PLA2G4A: variants seen among roughly 807,000 people sequenced by gnomAD.
PLA2G4A encodes the protein phospholipase A2 group IVA, also known as cytosolic phospholipase A2.
Under a neutral mutation model 81.9 loss-of-function variants are expected in PLA2G4A, and 40 were observed. The ratio of observed to expected loss-of-function variants is 0.49; its 90% CI spans 0.38 to 0.64. The LOEUF (loss-of-function observed/expected upper bound fraction) is 0.64, where lower values mean the gene tolerates loss of function less well. Ranked by LOEUF, PLA2G4A falls within the 30% of genes least tolerant of loss-of-function variation. The pLI is 0.00. For synonymous variants in PLA2G4A, 302 were observed against 296.9 expected, an observed-to-expected ratio of 1.02 and a Z score of -0.18; for missense variants, 715 against 905.1, an observed-to-expected ratio of 0.79 and a Z score of 2.69.
At chr1:186,967,664 T>C (rs1406082292) in intron 15 of PLA2G4A, among the ~76,000 whole-genome samples, 2 of 152,070 alleles carry the variant, frequency 1.3e-5, no homozygotes, top group African/African-American at 4.8e-5. Flanking sequence ...TAAGAATAGA[T>C]TGGTGCATAC....
intron 3 of PLA2G4A, among the ~76,000 whole-genome samples, chr1:186,880,583 C>A (rs1322581491): frequency 1.3e-5 from 2 of 151,612 alleles, no homozygotes; most frequent in Non-Finnish European, 2.9e-5. Context: ...AGTTACCTGG[C>A]CCAAAATGTC....
intron 2 of PLA2G4A, among the ~76,000 whole-genome samples, chr1:186,855,052 T>G (rs1652501612): frequency 6.6e-6 from 1 of 151,966 alleles, no homozygotes; most frequent in South Asian, 2.1e-4. Context: ...AATAAAATGC[T>G]GTTTTCTTAC....
intron 1 of PLA2G4A, among the ~76,000 whole-genome samples, chr1:186,841,581 G>A (rs1012057852): frequency 6.6e-6 from 1 of 152,010 alleles, no homozygotes; most frequent in East Asian, 1.9e-4. Context: ...TTACAAATTT[G>A]TACAATGAAA....
intron 3 of PLA2G4A, among the ~76,000 whole-genome samples, chr1:186,873,720 A>G (rs1653368997): frequency 6.6e-6 from 1 of 152,078 alleles, no homozygotes; most frequent in Non-Finnish European, 1.5e-5. Context: ...CACTGTTAAA[A>G]CCTCAGAATA....
chr1:186,829,389 A>G (rs753692729), intron 1 of PLA2G4A, among the ~76,000 whole-genome samples: 36 of 152,176 alleles, frequency 2.4e-4, no homozygotes, highest in Non-Finnish European at 4.1e-4. Context: ...CTGATCCCCA[A>G]ACTTGAGCAG....
At chr1:186,906,568 C>T (rs537013933) in intron 5 of PLA2G4A, among the ~76,000 whole-genome samples, 2 of 152,300 alleles carry the variant, frequency 1.3e-5, no homozygotes, top group African/African-American at 4.8e-5. Context: ...ACCTCTGGGC[C>T]ATTACAGCTT....
At chr1:186,837,282 A>C (rs1181030437) in intron 1 of PLA2G4A, among the ~76,000 whole-genome samples, 1 of 152,170 alleles carries the variant, frequency 6.6e-6, no homozygotes, top group Non-Finnish European at 1.5e-5. Context: ...ATGCGTGATG[A>C]GGATAGCTGG....
At chr1:186,975,716 G>A (rs535606673) in intron 15 of PLA2G4A, among the ~76,000 whole-genome samples, 14 of 152,266 alleles carry the variant, frequency 9.2e-5, no homozygotes, top group African/African-American at 2.2e-4. Context: ...TTATCTCTGC[G>A]TTGCCTGTAG....
chr1:186,901,489 A>G (rs886487173), intron 5 of PLA2G4A, among the ~76,000 whole-genome samples: 4 of 152,178 alleles, frequency 2.6e-5, no homozygotes, highest in Admixed American at 1.3e-4. Flanking sequence ...ATGAATGAAT[A>G]TATGAATGCA....
intron 8 of PLA2G4A, among the ~76,000 whole-genome samples, chr1:186,938,751 T>A (rs1284069285): frequency 6.6e-6 from 1 of 152,202 alleles, no homozygotes; most frequent in Non-Finnish European, 1.5e-5. Context: ...CTAGTCCTAG[T>A]AGGGCACCTT....
At chr1:186,914,052 G>C (rs1655055299) in intron 7 of PLA2G4A, among the ~76,000 whole-genome samples, 1 of 151,908 alleles carries the variant, frequency 6.6e-6, no homozygotes, top group Non-Finnish European at 1.5e-5. Context: ...AAAAAGAGAG[G>C]CTTCTCTTCA....
At chr1:186,842,301 C>T (rs760386602) in intron 1 of PLA2G4A, among the ~76,000 whole-genome samples, 6 of 152,118 alleles carry the variant, frequency 3.9e-5, no homozygotes, top group Non-Finnish European at 8.8e-5. Context: ...CTTTGGCCTC[C>T]CAAAGGGCTA....
chr1:186,943,402 T>C (rs147923797), intron 10 of PLA2G4A, among the ~76,000 whole-genome samples: 135 of 152,366 alleles, frequency 8.9e-4, no homozygotes, highest in Admixed American at 1.6e-3. Flanking sequence ...GAACTTAGCA[T>C]CATGCTAAAT....
intron 1 of PLA2G4A, among the ~76,000 whole-genome samples, chr1:186,836,699 G>A (rs1651790170): frequency 1.3e-5 from 2 of 152,022 alleles, no homozygotes; most frequent in South Asian, 4.2e-4. Flanking sequence ...TTATTCCTTC[G>A]CTAATTCAGT....
intron 1 of PLA2G4A, among the ~76,000 whole-genome samples, chr1:186,845,653 A>G (rs1652145175): frequency 6.6e-6 from 1 of 152,170 alleles, no homozygotes. Context: ...AACTCTAATA[A>G]TATCCCCTCT....
chr1:186,932,824 G>T lies in PLA2G4A; in HGVS notation c.620G>T (p.Gly207Val). ...GGFRAMVGFS[G>V]VMKALYESGI... Reference sequence around the variant, plus strand: ...TTCCGAGCCATGGTGGGATTCTCTGGTGTGATGAAGGCATTATACGAATCA... The same window carrying T: ...TTCCGAGCCATGGTGGGATTCTCTGTTGTGATGAAGGCATTATACGAATCA... The change falls in exon 8 of 18, where the codon GGT becomes GTT. Residue 207 changes from glycine (G) to valine (V), a missense_variant. Physicochemically the swap from Gly to Val is moderately radical, Grantham distance 109. Coordinates refer to ENST00000367466, the MANE Select transcript of PLA2G4A (RefSeq NM_024420.3). 1 of 1,613,184 alleles carries T rather than the reference G, an allele frequency of 6.2e-7. No homozygotes were observed. Among genetic ancestry groups the T allele is most frequent in the Non-Finnish European group, 8.5e-7 (1 of 1,179,176 alleles).
At chr1:186,888,750 A>T (rs919368042) in intron 3 of PLA2G4A, among the ~76,000 whole-genome samples, 1 of 152,038 alleles carries the variant, frequency 6.6e-6, no homozygotes, top group Non-Finnish European at 1.5e-5. Context: ...TGAATGAATG[A>T]TGTTTGCCAT....
chr1:186,864,845 C>G (rs1652958105), intron 2 of PLA2G4A, among the ~76,000 whole-genome samples: 2 of 151,038 alleles, frequency 1.3e-5, no homozygotes, highest in African/African-American at 2.4e-5. Context: ...GTAATCCCAG[C>G]ACTTTGGGAG....
intron 14 of PLA2G4A, 25 bp downstream of exon 14, chr1:186,956,369 G>A (rs528526726): frequency 3.8e-6 from 6 of 1,596,290 alleles, no homozygotes; most frequent in Admixed American, 1.7e-5. Flanking sequence ...ATAATTAGTG[G>A]GAGCTAATGC....
Sources: allele counts gnomAD v4.1 joint callset (sites outside exome capture counted in the v4.1 genomes callset), GRCh38; gene constraint gnomAD v4.1.1; transcripts MANE v1.5; gene names NCBI Gene and HGNC (gene_info 2026-07-23, HGNC 2026-07-21).